The following FGGY variants were observed in gnomAD, a reference collection of about 807,000 sequenced individuals.
The protein encoded by FGGY is FGGY carbohydrate kinase domain-containing protein.
A neutral mutation model predicts 71.3 loss-of-function variants in FGGY; 72 were observed. The ratio of observed to expected loss-of-function variants is 1.01; its 90% CI spans 0.84 to 1.23. The LOEUF is 1.23. FGGY is among the 50% of genes most tolerant of loss of function. The pLI is 0.00. For synonymous variants in FGGY, 251 were observed against 250.3 expected (o/e 1.00, Z -0.02); for missense variants, 668 against 682.3 (o/e 0.98, Z 0.23).
At chr1:59,738,802 A>G (rs1373537715) in intron 14 of FGGY, among the ~76,000 whole-genome samples, 1 of 152,240 alleles carries the variant, frequency 6.6e-6, no homozygotes. Context: ...GCCAAATTTT[A>G]TAAATGAGGA....
At chr1:59,724,706 T>C (rs1447634107) in intron 14 of FGGY, among the ~76,000 whole-genome samples, 2 of 152,240 alleles carry the variant, frequency 1.3e-5, no homozygotes, top group Non-Finnish European at 2.9e-5. Context: ...CACTGCTGTT[T>C]TAATATGCAA....
chr1:59,591,212 G>A (rs1281923785), intron 8 of FGGY, among the ~76,000 whole-genome samples: 1 of 152,092 alleles, frequency 6.6e-6, no homozygotes, highest in Middle Eastern at 3.2e-3. Flanking sequence ...GAATAAAATG[G>A]CTAGGAATCC....
At chr1:59,335,547 T>C (rs900067999) in intron 2 of FGGY, among the ~76,000 whole-genome samples, 3 of 152,230 alleles carry the variant, frequency 2.0e-5, no homozygotes, top group African/African-American at 7.2e-5. Flanking sequence ...TGTATGTTTT[T>C]ATTTTATTTT....
intron 6 of FGGY, among the ~76,000 whole-genome samples, chr1:59,494,080 G>T (rs745885369): frequency 7.9e-5 from 12 of 152,074 alleles, no homozygotes; most frequent in Non-Finnish European, 1.2e-4. Flanking sequence ...AGATCAGTTC[G>T]ATTCATTCTT....
At chr1:59,662,189 G>A (rs181593101) in intron 12 of FGGY, among the ~76,000 whole-genome samples, 4 of 150,856 alleles carry the variant, frequency 2.7e-5, no homozygotes, top group East Asian at 4.0e-4. Context: ...GCATGGTGGC[G>A]GGCACCTGTA....
intron 2 of FGGY, among the ~76,000 whole-genome samples, chr1:59,330,926 G>A (rs536249919): frequency 6.6e-6 from 1 of 152,128 alleles, no homozygotes; most frequent in African/African-American, 2.4e-5. Flanking sequence ...CTAAATTTAA[G>A]GATGTCAGGA....
chr1:59,699,047 A>G (rs549772929), intron 14 of FGGY: 1 of 985,350 alleles, frequency 1.0e-6, no homozygotes, highest in Non-Finnish European at 1.2e-6. Flanking sequence ...ACATAGCTAC[A>G]TTTTTCCTTC....
intron 5 of FGGY, among the ~76,000 whole-genome samples, chr1:59,453,681 C>A (rs542112288): frequency 6.6e-6 from 1 of 152,228 alleles, no homozygotes; most frequent in South Asian, 2.1e-4. Context: ...CTAGAATGAT[C>A]TCATGGCAGT....
intron 6 of FGGY, among the ~76,000 whole-genome samples, chr1:59,507,955 CTG>C (rs1203551725): frequency 6.6e-6 from 1 of 152,178 alleles, no homozygotes; most frequent in Non-Finnish European, 1.5e-5. Flanking sequence ...TTCCAGTTCT[CTG>C]TTCCTCCTTG....
intron 4 of FGGY, among the ~76,000 whole-genome samples, chr1:59,356,250 G>A (rs537274269): frequency 3.3e-4 from 50 of 152,122 alleles, no homozygotes; most frequent in Non-Finnish European, 5.9e-4. Flanking sequence ...TCTAGCAAGC[G>A]CTTAGAGAAA....
At chr1:59,469,980 T>G (rs2153542648) in intron 6 of FGGY, among the ~76,000 whole-genome samples, 1 of 152,346 alleles carries the variant, frequency 6.6e-6, no homozygotes, top group East Asian at 1.9e-4. Context: ...GTACCACATT[T>G]TCTTTATCCA....
chr1:59,726,825 T>C (rs2097953578), intron 14 of FGGY, among the ~76,000 whole-genome samples: 1 of 152,190 alleles, frequency 6.6e-6, no homozygotes, highest in South Asian at 2.1e-4. Flanking sequence ...CTCTATTGCT[T>C]TCCTGTGTTT....
rs148615214 is a variant in FGGY, at chr1:59,748,483, C to G, written c.1513-9448C>G. 1.1e-3 allele frequency among the ~76,000 whole-genome samples: 165 copies of G among 152,222 alleles called. 1 individual carries two copies. The highest frequency in any genetic ancestry group is 3.8e-3 in the African/African-American group (156 of 41,540). On this transcript the variant is annotated intron_variant, in intron 14 of 15. Transcript: ENST00000303721. ...ACCATTCCTGAGAGATTCAGAAAGGCCTTAGGCAGGAGGAAGGTTGGCATG... is the reference window on the plus strand; with the variant it reads ...ACCATTCCTGAGAGATTCAGAAAGGGCTTAGGCAGGAGGAAGGTTGGCATG...
chr1:59,394,162 G>C (rs977901254), intron 5 of FGGY, among the ~76,000 whole-genome samples: 2 of 152,194 alleles, frequency 1.3e-5, no homozygotes, highest in African/African-American at 4.8e-5. Flanking sequence ...GCCCTATCAA[G>C]CAAACTTCAT....
At chr1:59,593,128 G>C (rs1289214108) in intron 8 of FGGY, among the ~76,000 whole-genome samples, 1 of 152,324 alleles carries the variant, frequency 6.6e-6, no homozygotes, top group Non-Finnish European at 1.5e-5. Context: ...GGACATTTAT[G>C]TGGCCTGTGA....
At chr1:59,429,319 T>C (rs2066927542) in intron 5 of FGGY, among the ~76,000 whole-genome samples, 1 of 152,144 alleles carries the variant, frequency 6.6e-6, no homozygotes, top group Non-Finnish European at 1.5e-5. Flanking sequence ...TTAGAGTGTA[T>C]GTGGAAACAG....
upstream of FGGY, chr1:59,296,637 AGGCCGCGC>A (rs2041991277): frequency 9.6e-6 from 1 of 104,276 alleles, no homozygotes; most frequent in East Asian, 2.7e-4. Flanking sequence ...AGGGCCAATC[AGGCCGCGC>A]TTTACAGGGG....
At chr1:59,747,934 G>GC (rs2098214148) in intron 14 of FGGY, among the ~76,000 whole-genome samples, 1 of 152,158 alleles carries the variant, frequency 6.6e-6, no homozygotes, top group African/African-American at 2.4e-5. Flanking sequence ...ATGAGCTAAA[G>GC]CAAGTTTCAA....
chr1:59,398,821 GTAA>G (rs1225429225), intron 5 of FGGY, among the ~76,000 whole-genome samples: 1 of 152,136 alleles, frequency 6.6e-6, no homozygotes, highest in Non-Finnish European at 1.5e-5. Context: ...TTGCAAAATA[GTAA>G]TAATAATATT....
Sources: gnomAD v4.1 joint callset for allele counts (sites outside exome capture counted in the v4.1 genomes callset) on GRCh38, gnomAD v4.1.1 for gene constraint, MANE v1.5 for transcripts, NCBI Gene and HGNC (gene_info 2026-07-23, HGNC 2026-07-21) for gene names.